The following EIF5B variants were observed in gnomAD, a reference collection of about 807,000 sequenced individuals.
EIF5B encodes eukaryotic translation initiation factor 5B, also known as eIF-5B.
Under a neutral mutation model 147.5 loss-of-function variants are expected in EIF5B, and 47 were observed. The ratio of observed to expected loss-of-function variants is 0.32; its 90% CI spans 0.25 to 0.41. The LOEUF (loss-of-function observed/expected upper bound fraction) is 0.41, where lower values mean the gene tolerates loss of function less well. Among genes scored for constraint, EIF5B ranks in the 10% least tolerant of loss-of-function variants. The pLI is 1.00. For missense variants in EIF5B, 1,064 were observed against 1,413.2 expected (o/e 0.75, Z 3.96); for synonymous variants, 455 against 456.2 (o/e 1.00, Z 0.03).
At chr2:99,353,459 A>AT (rs1286640082) in intron 1 of EIF5B, among the ~76,000 whole-genome samples, 2 of 152,214 alleles carry the variant, frequency 1.3e-5, no homozygotes, top group African/African-American at 4.8e-5. Context: ...GTGCCCAGCC[A>AT]TTACACAGAT....
chr2:99,361,256 A>G lies in EIF5B; in HGVS notation c.355A>G (p.Lys119Glu), dbSNP rs750758951. ...DDNDSEELED[K>E]DSKSKKTAKP... ...TAATGATAGCGAAGAATTGGAAGAT[A>G]AAGATTCAAAATCAAAAAAGACTGC... Residue 119 changes from lysine to glutamate, a missense_variant, in exon 4 of 24, where the codon AAA becomes GAA. Around this residue, in one of 4 missense-constraint regions of EIF5B, gnomAD observed 458 missense variants for 451.3 expected, o/e 1.01. Coordinates refer to ENST00000289371, the MANE Select transcript of EIF5B (RefSeq NM_015904.4). 7.4e-6 allele frequency: 12 copies of G among 1,613,204 alleles called. No homozygotes were observed. The highest frequency in any genetic ancestry group is 2.2e-5 in the South Asian group (2 of 90,732).
intron 14 of EIF5B, among the ~76,000 whole-genome samples, chr2:99,383,966 T>C (rs565338659): frequency 6.6e-6 from 1 of 152,150 alleles, no homozygotes; most frequent in South Asian, 2.1e-4. Context: ...GCCAAATCCT[T>C]TGGGAGGCCG....
intron 3 of EIF5B, 86 bp downstream of exon 3, chr2:99,360,635 C>A: frequency 7.5e-7 from 1 of 1,326,354 alleles, no homozygotes; most frequent in Non-Finnish European, 1.0e-6. Context: ...CATTTGGAAA[C>A]TTTTGAGCAG....
At chr2:99,393,429 C>T (rs1224070093) in intron 18 of EIF5B, among the ~76,000 whole-genome samples, 1 of 152,018 alleles carries the variant, frequency 6.6e-6, no homozygotes, top group Non-Finnish European at 1.5e-5. Flanking sequence ...TCACTTGAAC[C>T]TGGGAGGCAG....
chr2:99,368,934 G>A (rs562775050), intron 7 of EIF5B, among the ~76,000 whole-genome samples: 2 of 152,304 alleles, frequency 1.3e-5, no homozygotes, highest in Admixed American at 6.5e-5. Flanking sequence ...GTAGTTTCCT[G>A]TAAAACATAT....
intron 17 of EIF5B, among the ~76,000 whole-genome samples, chr2:99,392,154 GTTTATTTTAT>G (rs1229011173): frequency 2.0e-5 from 3 of 151,882 alleles, no homozygotes; most frequent in African/African-American, 7.2e-5. Context: ...AGTTTTTTAT[GTTTATTTTAT>G]TTTATTTTAT....
At chr2:99,355,744 C>G (rs1349475777) in intron 1 of EIF5B, among the ~76,000 whole-genome samples, 1 of 151,292 alleles carries the variant, frequency 6.6e-6, no homozygotes. Context: ...TCCCGAGTAG[C>G]TGGGATTACA....
intron 9 of EIF5B, 59 bp downstream of exon 9, chr2:99,371,789 A>C (rs375114994): frequency 1.4e-6 from 2 of 1,439,468 alleles, no homozygotes; most frequent in African/African-American, 2.9e-5. Flanking sequence ...TGAATGATAT[A>C]TATTTAAATG....
rs150338791 is a variant in EIF5B, at chr2:99,349,334, T to C, written c.36-10902T>C. ...TGGAATAATTTGGAAAGGAGTTGAA[T>C]TTCCTGTGTTTCTTGTCTAACTTTA... On this transcript the variant is annotated intron_variant, in intron 1 of 23. Transcript: ENST00000289371. 6.3e-3 allele frequency among the ~76,000 whole-genome samples: 963 copies of C among 152,336 alleles called. 13 individuals are homozygous for C. The highest frequency in any genetic ancestry group is 0.053 in the East Asian group (275 of 5,188).
chr2:99,356,906 A>G (rs1398293250), intron 1 of EIF5B, among the ~76,000 whole-genome samples: 1 of 152,118 alleles, frequency 6.6e-6, no homozygotes, highest in Non-Finnish European at 1.5e-5. Context: ...CCCTGCCCCT[A>G]ATTTGACAAG....
rs751149251 is a variant in EIF5B, at chr2:99,337,607, C to T, written c.35+18C>T. Reference sequence around the variant, plus strand: ...GAAGACAGGTAGATAGGGGTTGGGTCCGTACGGCGGCGGCCGCCGTGGCTC... The same window carrying T: ...GAAGACAGGTAGATAGGGGTTGGGTTCGTACGGCGGCGGCCGCCGTGGCTC... On this transcript the variant is annotated intron_variant, in intron 1 of 23. Transcript: ENST00000289371. The T allele has an allele frequency of 2.5e-6, 4 of 1,606,848 alleles. No individual in the cohort carries two copies. Among genetic ancestry groups the T allele is most frequent in the South Asian group, 1.1e-5 (1 of 90,488 alleles).
At chr2:99,388,656 T>A (rs1674859110) in intron 14 of EIF5B, among the ~76,000 whole-genome samples, 1 of 152,234 alleles carries the variant, frequency 6.6e-6, no homozygotes, top group African/African-American at 2.4e-5. Flanking sequence ...CTTTACATTA[T>A]TAAAATAAAC....
intron 20 of EIF5B, 51 bp downstream of exon 20, chr2:99,394,636 A>C (rs1167352346): frequency 1.2e-6 from 2 of 1,612,384 alleles, no homozygotes; most frequent in Admixed American, 3.4e-5. Flanking sequence ...AGCTATCTTA[A>C]AACTGTCCTA....
At chr2:99,386,765 C>G (rs956333136) in intron 14 of EIF5B, among the ~76,000 whole-genome samples, 1 of 151,950 alleles carries the variant, frequency 6.6e-6, no homozygotes, top group Non-Finnish European at 1.5e-5. Context: ...AGGCTGGTCT[C>G]AAACTCCTGG....
chr2:99,390,424 A>AT (rs761213182), intron 16 of EIF5B, 23 bp downstream of exon 16: 38 of 1,513,706 alleles, frequency 2.5e-5, no homozygotes, highest in East Asian at 2.3e-4. Context: ...TTTTCAGTTT[A>AT]TTGTTTTTTT....
At chr2:99,344,404 TTTGTTGTTGTTGTTG>T (rs149285717) in intron 1 of EIF5B, among the ~76,000 whole-genome samples, 1 of 149,414 alleles carries the variant, frequency 6.7e-6, no homozygotes, top group African/African-American at 2.5e-5. Flanking sequence ...GCCACCACAG[TTTGTTGTTGTTGTTG>T]TTGTTGTTGT....
chr2:99,368,729 A>G, intron 7 of EIF5B, 138 bp downstream of exon 7: 1 of 650,826 alleles, frequency 1.5e-6, no homozygotes, highest in Non-Finnish European at 2.7e-6. Flanking sequence ...CTTATTTCTT[A>G]TTAATGCCAT....
intron 3 of EIF5B, 37 bp from the exon 4 acceptor site, chr2:99,361,111 A>G: frequency 6.8e-7 from 1 of 1,461,070 alleles, no homozygotes; most frequent in Non-Finnish European, 9.1e-7. Context: ...CTCAATTATA[A>G]TTCTGTTAAT....
At chr2:99,337,642 T>C in intron 1 of EIF5B, 53 bp downstream of exon 1, 3 of 1,562,532 alleles carry the variant, frequency 1.9e-6, no homozygotes, top group Non-Finnish European at 2.6e-6. Context: ...CAGTGGAGTG[T>C]GCGGGTCTCG....
Sources: gnomAD v4.1 joint callset for allele counts (sites outside exome capture counted in the v4.1 genomes callset) on GRCh38, gnomAD v4.1.1 for gene constraint, gnomAD v4.1.1 regional missense constraint, MANE v1.5 for transcripts, NCBI Gene and HGNC (gene_info 2026-07-23, HGNC 2026-07-21) for gene names.